The following MLLT3 variants were observed in gnomAD, a reference collection of about 807,000 sequenced individuals.
MLLT3 encodes MLLT3 super elongation complex subunit, also known as protein AF-9.
Under a neutral mutation model 53.2 loss-of-function variants are expected in MLLT3, and 4 were observed. The ratio of observed to expected loss-of-function variants is 0.08; its 90% CI spans 0.04 to 0.17. The LOEUF is 0.17. Ranked by LOEUF, MLLT3 falls within the 10% of genes least tolerant of loss-of-function variation. The pLI is 1.00. For missense variants in MLLT3, 569 were observed against 684.0 expected, an observed-to-expected ratio of 0.83 and a Z score of 1.87; for synonymous variants, 283 against 230.6, an observed-to-expected ratio of 1.23 and a Z score of -2.06.
chr9:20,413,897 T>C lies in MLLT3; in HGVS notation c.949A>G (p.Ile317Val). 1.9e-6 allele frequency: 3 copies of C among 1,614,060 alleles called. No individual in the cohort carries two copies. Among genetic ancestry groups the C allele is most frequent in the Non-Finnish European group, 2.5e-6 (3 of 1,180,008 alleles). ...TTTTTGTCAGCAGAACAAGTGAGTA[T>C]CAGTGGTGGTGCGCTAGAAAAACTT... ...FKSFSSAPPL[I>V]LTCSADKKQI... The change falls in exon 5 of 11, where the codon ATA becomes GTA. Residue 317 changes from isoleucine (I) to valine (V), a missense_variant. Physicochemically the swap from Ile to Val is conservative, Grantham distance 29 (BLOSUM62 3). Coordinates refer to ENST00000380338, the MANE Select transcript of MLLT3 (RefSeq NM_004529.4).
intron 5 of MLLT3, among the ~76,000 whole-genome samples, chr9:20,387,410 A>C (rs1224393718): frequency 6.6e-6 from 1 of 152,342 alleles, no homozygotes; most frequent in Admixed American, 6.5e-5. Flanking sequence ...TCTCTGATTT[A>C]GTTTATCCTA....
chr9:20,544,714 C>T (rs1818740702), intron 2 of MLLT3, among the ~76,000 whole-genome samples: 1 of 152,204 alleles, frequency 6.6e-6, no homozygotes, highest in East Asian at 1.9e-4. Context: ...CCATAGGATT[C>T]AGCAATCCCA....
chr9:20,502,093 A>AGGGGGGGG (rs66552889), intron 2 of MLLT3, among the ~76,000 whole-genome samples: 1 of 88,902 alleles, frequency 1.1e-5, no homozygotes, highest in African/African-American at 3.8e-5. Context: ...AAAAAAAAAA[A>AGGGGGGGG]GGGGGGGGGG....
intron 5 of MLLT3, among the ~76,000 whole-genome samples, chr9:20,366,366 G>C (rs1027419919): frequency 1.3e-5 from 2 of 152,116 alleles, no homozygotes; most frequent in African/African-American, 2.4e-5. Flanking sequence ...CCCTGCAAAG[G>C]ACATGAACTC....
At chr9:20,604,414 T>A (rs1043205739) in intron 2 of MLLT3, among the ~76,000 whole-genome samples, 3 of 135,476 alleles carry the variant, frequency 2.2e-5, no homozygotes, top group Non-Finnish European at 5.0e-5. Flanking sequence ...AAAAACAAAG[T>A]CTAACTTTAA....
At chr9:20,512,105 C>T (rs1186746928) in intron 2 of MLLT3, among the ~76,000 whole-genome samples, 1 of 152,162 alleles carries the variant, frequency 6.6e-6, no homozygotes, top group Non-Finnish European at 1.5e-5. Context: ...CAAGAGCAAG[C>T]TTTCAAAAGT....
intron 2 of MLLT3, among the ~76,000 whole-genome samples, chr9:20,470,531 C>T (rs184549178): frequency 1.2e-4 from 19 of 152,104 alleles, no homozygotes; most frequent in East Asian, 9.6e-4. Context: ...ATGTCAATGC[C>T]ATGCCCAGGA....
intron 10 of MLLT3, among the ~76,000 whole-genome samples, chr9:20,349,629 G>A (rs540129835): frequency 7.9e-5 from 12 of 151,872 alleles, no homozygotes; most frequent in Admixed American, 4.6e-4. Context: ...TAGAAAACTG[G>A]GCAATAAAAA....
intron 2 of MLLT3, among the ~76,000 whole-genome samples, chr9:20,483,516 A>T (rs1269980004): frequency 1.3e-5 from 2 of 151,856 alleles, no homozygotes; most frequent in Admixed American, 1.3e-4. Flanking sequence ...TACAGGCATG[A>T]GCCACTGTGC....
Position 20,413,870 on chromosome 9 carries a change from GT to G in MLLT3, c.975del (p.Lys325AsnfsTer3). On this transcript the variant is annotated frameshift_variant, in exon 5 of 11. Transcript: ENST00000380338. LOFTEE classifies it high-confidence loss of function. The part of the protein sequence containing the change: ...PLILTCSADK[K>X]QIKDKSHVKM... ...TTGACATGAGATTTATCTTTTATCT[GT>G]TTTTTGTCAGCAGAACAAGTGAGTA... 6.2e-7 allele frequency: 1 copy of G among 1,613,970 alleles called. No individual in the cohort carries two copies. Among genetic ancestry groups the G allele is most frequent in the Non-Finnish European group, 8.5e-7 (1 of 1,179,968 alleles).
At chr9:20,453,909 G>T (rs535115873) in intron 3 of MLLT3, among the ~76,000 whole-genome samples, 1 of 152,060 alleles carries the variant, frequency 6.6e-6, no homozygotes, top group African/African-American at 2.4e-5. Context: ...TACAAACACT[G>T]AAATATATAT....
At chr9:20,594,243 T>G (rs1196434783) in intron 2 of MLLT3, among the ~76,000 whole-genome samples, 1 of 152,098 alleles carries the variant, frequency 6.6e-6, no homozygotes, top group Non-Finnish European at 1.5e-5. Context: ...GCCCAACCAA[T>G]GTTCTCTTAA....
chr9:20,480,142 C>A (rs1824625867), intron 2 of MLLT3, among the ~76,000 whole-genome samples: 1 of 152,174 alleles, frequency 6.6e-6, no homozygotes. Context: ...TTCTGGAAAG[C>A]AGGTTTAAGG....
intron 2 of MLLT3, among the ~76,000 whole-genome samples, chr9:20,565,126 T>G (rs559583653): frequency 4.0e-5 from 6 of 150,870 alleles, no homozygotes; most frequent in African/African-American, 1.5e-4. Context: ...GTTTACTGAC[T>G]GATATGTTTT....
At chr9:20,408,005 A>G (rs753592970) in intron 5 of MLLT3, among the ~76,000 whole-genome samples, 4 of 152,236 alleles carry the variant, frequency 2.6e-5, no homozygotes, top group Non-Finnish European at 5.9e-5. Context: ...AAAGCAAGAA[A>G]CAATAATGCA....
chr9:20,376,361 CTGA>C (rs1256450265), intron 5 of MLLT3, among the ~76,000 whole-genome samples: 2 of 152,136 alleles, frequency 1.3e-5, no homozygotes, highest in Admixed American at 6.5e-5. Flanking sequence ...CCATCATTTT[CTGA>C]TGATAGAGCA....
Position 20,343,620 on chromosome 9 carries a change from C to T in MLLT3, c.*2823G>A. The T allele has an allele frequency of 4.4e-6, 1 of 229,104 alleles. No individual in the cohort carries two copies. The highest frequency in any genetic ancestry group is 2.2e-5 in the African/African-American group (1 of 45,184). 14.2% of individuals were successfully genotyped at this position (229,104 alleles called of 1,614,324 possible). A position where few individuals can be genotyped will look rare whatever the true frequency, so the allele number is the denominator to read the frequency against. ...CAGGAGCTCTGTACATATATTTTTT[C>T]CCCTGGCTGATCACTGAGGAAAAAT... On this transcript the variant is annotated 3_prime_UTR_variant, in exon 11 of 11. Transcript: ENST00000380338.
rs150923604 is a variant in MLLT3 at position 20,452,259 on chromosome 9, G to A, written c.277-3993C>T. Reference sequence around the variant, plus strand: ...ATTGTGGTTCCCATAATCCCCACGTGTCTTGGGAGGTAATTAGATTATGGG... The same window carrying A: ...ATTGTGGTTCCCATAATCCCCACGTATCTTGGGAGGTAATTAGATTATGGG... On this transcript the variant is annotated intron_variant, in intron 3 of 10. Coordinates refer to ENST00000380338, the MANE Select transcript of MLLT3 (RefSeq NM_004529.4). 1.3e-3 allele frequency among the ~76,000 whole-genome samples: 192 copies of A among 152,286 alleles called. 1 individual carries two copies. Among genetic ancestry groups the A allele is most frequent in the African/African-American group, 4.5e-3 (187 of 41,564 alleles).
chr9:20,375,567 G>A (rs1821740490), intron 5 of MLLT3, among the ~76,000 whole-genome samples: 1 of 150,750 alleles, frequency 6.6e-6, no homozygotes, highest in Non-Finnish European at 1.5e-5. Flanking sequence ...ATGAATCCTG[G>A]CTAGGAACCT....
Sources: allele counts gnomAD v4.1 joint callset (sites outside exome capture counted in the v4.1 genomes callset), GRCh38; gene constraint gnomAD v4.1.1; transcripts MANE v1.5; gene names NCBI Gene and HGNC (gene_info 2026-07-23, HGNC 2026-07-21).